MFSD6: variants seen among roughly 807,000 people sequenced by gnomAD.
The protein encoded by MFSD6 is major facilitator superfamily domain containing 6.
A neutral mutation model predicts 56.3 loss-of-function variants in MFSD6; 26 were observed. The observed-to-expected ratio is 0.46, with a 90% confidence interval of 0.34 to 0.64. MFSD6 has a LOEUF of 0.64. MFSD6 is among the 30% of genes least tolerant of loss of function. The probability of loss-of-function intolerance (pLI) is 0.01; values close to 1 mark genes in which losing one functional copy is unlikely to be tolerated. For synonymous variants in MFSD6, 331 were observed against 366.9 expected (o/e 0.90, Z 1.12); for missense variants, 750 against 986.2 (o/e 0.76, Z 3.21).
At chr2:190,432,830 A>G (rs974849969) in intron 2 of MFSD6, among the ~76,000 whole-genome samples, 2 of 129,190 alleles carry the variant, frequency 1.5e-5, no homozygotes, top group African/African-American at 5.8e-5. Context: ...CCGCCCCCCA[A>G]CACACACACA....
At position 190,488,661 on chromosome 2, in the gene MFSD6, GAC is replaced by G; in HGVS notation, c.1640_1641del (p.His547ArgfsTer18). The G allele has an allele frequency of 1.3e-6, 2 of 1,543,900 alleles. No individual in the cohort carries two copies. The highest frequency in any genetic ancestry group is 1.7e-6 in the Non-Finnish European group (2 of 1,145,270). ...VLPMEVLQGVTHAAIWAACIS... is the reference protein window; with the variant it reads ...VLPMEVLQGVXHAAIWAACIS... ...CCTGCTCTTCTTCCTCTCCAGGAGT[GAC>G]ACACGCGGCCATCTGGGCAGCATGC... On this transcript the variant is annotated frameshift_variant, in exon 5 of 8. Coordinates refer to ENST00000392328, the MANE Select transcript of MFSD6 (RefSeq NM_017694.4). LOFTEE classifies it high-confidence loss of function. The surrounding 1 kb of genome is among the most constrained non-coding windows in gnomAD (Gnocchi z 6.4).
chr2:190,444,871 T>A (rs554295106), intron 3 of MFSD6: 2 of 827,928 alleles, frequency 2.4e-6, no homozygotes, highest in African/African-American at 1.8e-5. Context: ...AATTATTTTA[T>A]ACAAAATCAT....
intron 3 of MFSD6, among the ~76,000 whole-genome samples, chr2:190,448,887 T>C (rs935849472): frequency 2.0e-5 from 3 of 152,340 alleles, no homozygotes; most frequent in African/African-American, 7.2e-5. Flanking sequence ...TTGAAACCCA[T>C]GTGTCCTTAC....
rs184975766 is a variant in MFSD6, at chr2:190,436,772, C to T, written c.743C>T (p.Thr248Ile). Residue 248 changes from threonine (T) to isoleucine (I), a missense_variant, in exon 3 of 8, where the codon ACC becomes ATC. Coordinates refer to ENST00000392328, the MANE Select transcript of MFSD6 (RefSeq NM_017694.4). This position sits in a 1 kb window ranked among gnomAD's most constrained non-coding sequence, Gnocchi z 5.3. The part of the protein sequence containing the change: ...MDLTLNSSTA[T>I]PVSPGSVTKE... ...TTGACTTTGAACTCAAGCACAGCAA[C>T]CCCTGTCTCCCCAGGAAGCGTAACC... The T allele has an allele frequency of 8.2e-5, 133 of 1,614,216 alleles. No homozygotes were observed. Among genetic ancestry groups the T allele is most frequent in the Non-Finnish European group, 1.1e-4 (130 of 1,180,032 alleles).
intron 4 of MFSD6, among the ~76,000 whole-genome samples, chr2:190,483,258 T>C (rs1688804160): frequency 6.6e-6 from 1 of 152,126 alleles, no homozygotes; most frequent in Non-Finnish European, 1.5e-5. Context: ...TCTCTCAAAG[T>C]AGATAGTTAC....
At position 190,437,340 on chromosome 2, in the gene MFSD6, C is replaced by G; in HGVS notation, c.1311C>G (p.Asp437Glu). Reference sequence around the variant, plus strand: ...ACTCGCAGGCCTTCAACTTTTGGGACTTAATCAAGCTGCTCTGCAGCGTGC... The same window carrying G: ...ACTCGCAGGCCTTCAACTTTTGGGAGTTAATCAAGCTGCTCTGCAGCGTGC... ...TSHSQAFNFW[D>E]LIKLLCSVQY... is the part of the protein sequence containing the mutation. The change falls in exon 3 of 8, where the codon GAC (aspartate) becomes GAG (glutamate). Residue 437 changes from aspartate to glutamate, a missense_variant. By Grantham distance (45) the Asp-to-Glu change is conservative. Transcript: ENST00000392328. This position sits in a 1 kb window ranked among gnomAD's most constrained non-coding sequence, Gnocchi z 5.9. 1 of 1,614,274 alleles carries G rather than the reference C, an allele frequency of 6.2e-7. No individual in the cohort carries two copies. Among genetic ancestry groups the G allele is most frequent in the Non-Finnish European group, 8.5e-7 (1 of 1,180,052 alleles).
rs1311374883 is a variant in MFSD6, at chr2:190,487,654, G to A, written c.1631-1003G>A. Reference sequence around the variant, plus strand: ...GCCAATAAACACCTAAAAGGTGCTCGACATCACTAGCTATTAGGGGAAAGC... The same window carrying A: ...GCCAATAAACACCTAAAAGGTGCTCAACATCACTAGCTATTAGGGGAAAGC... On this transcript the variant is annotated intron_variant, in intron 4 of 7. Transcript: ENST00000392328. This position sits in a 1 kb window ranked among gnomAD's most constrained non-coding sequence, Gnocchi z 5.5. 3.3e-5 allele frequency among the ~76,000 whole-genome samples: 5 copies of A among 152,114 alleles called. No homozygotes were observed. Among genetic ancestry groups the A allele is most frequent in the Admixed American group, 3.3e-4 (5 of 15,272 alleles).
intron 2 of MFSD6, among the ~76,000 whole-genome samples, chr2:190,428,855 T>C (rs193133264): frequency 1.2e-3 from 176 of 151,990 alleles, no homozygotes; most frequent in African/African-American, 4.0e-3. Flanking sequence ...TTAGTTTTAA[T>C]AGAGATGGGG....
chr2:190,449,141 T>C (rs1686683889), intron 3 of MFSD6, among the ~76,000 whole-genome samples: 1 of 152,234 alleles, frequency 6.6e-6, no homozygotes, highest in Admixed American at 6.5e-5. Flanking sequence ...TCTTATTTTC[T>C]TCTCTTTAAA....
At position 190,458,055 on chromosome 2, in the gene MFSD6, C is replaced by T. The variant is rs1687134195; in HGVS notation, c.1533-11703C>T. 6.6e-6 allele frequency among the ~76,000 whole-genome samples: 1 copy of T among 152,120 alleles called. No homozygotes were observed. The highest frequency in any genetic ancestry group is 1.5e-5 in the Non-Finnish European group (1 of 68,004). On this transcript the variant is annotated intron_variant, in intron 3 of 7. Coordinates refer to ENST00000392328, the MANE Select transcript of MFSD6 (RefSeq NM_017694.4). This position sits in a 1 kb window ranked among gnomAD's most constrained non-coding sequence, Gnocchi z 5.3. ...TGACTGTTGAGGCCCGAGGAAGCTG[C>T]CAGCGGTGTCACACACTCTGTTGCT...
At chr2:190,483,671 C>G (rs1412399273) in intron 4 of MFSD6, among the ~76,000 whole-genome samples, 2 of 151,898 alleles carry the variant, frequency 1.3e-5, no homozygotes, top group Non-Finnish European at 1.5e-5. Context: ...CCTGTCTCTA[C>G]TAAGGGTACG....
chr2:190,465,357 G>GAC lies in MFSD6; in HGVS notation c.1533-4399_1533-4398dup, dbSNP rs1687547435. ...CTACTGACTTCCTGTTCTGAAATAGGACAGTCATGCTGTTTTTGAGTTTTA... is the reference window on the plus strand; with the variant it reads ...CTACTGACTTCCTGTTCTGAAATAGGACACAGTCATGCTGTTTTTGAGTTTTA... On this transcript the variant is annotated intron_variant, in intron 3 of 7. Transcript: ENST00000392328. The surrounding 1 kb of genome is among the most constrained non-coding windows in gnomAD (Gnocchi z 4.6). Among the ~76,000 whole-genome samples, 1 of 152,062 alleles carries GAC rather than the reference G, an allele frequency of 6.6e-6. No individual in the cohort carries two copies. The highest frequency in any genetic ancestry group is 2.4e-5 in the African/African-American group (1 of 41,406).
In MFSD6 at chr2:190,488,670, G is replaced by A. The variant is rs1040500148; in HGVS notation, c.1644G>A (p.Ala548=). The A allele has an allele frequency of 4.5e-6, 7 of 1,553,280 alleles. No homozygotes were observed. Among genetic ancestry groups the A allele is most frequent in the African/African-American group, 4.2e-5 (3 of 72,136 alleles). ...CTTCCTCTCCAGGAGTGACACACGCGGCCATCTGGGCAGCATGCATTTCTT... is the reference window on the plus strand; with the variant it reads ...CTTCCTCTCCAGGAGTGACACACGCAGCCATCTGGGCAGCATGCATTTCTT... ...PMEVLQGVTH[A]AIWAACISYL... is the part of the protein sequence containing the mutation. Residue 548 remains alanine (A), a synonymous_variant, in exon 5 of 8, where the codon GCG becomes GCA. Coordinates refer to ENST00000392328, the MANE Select transcript of MFSD6 (RefSeq NM_017694.4). The surrounding 1 kb of genome is among the most constrained non-coding windows in gnomAD (Gnocchi z 6.4).
At chr2:190,470,559 C>G (rs1687862020) in intron 4 of MFSD6, among the ~76,000 whole-genome samples, 1 of 152,204 alleles carries the variant, frequency 6.6e-6, no homozygotes. Context: ...AATAAAGGTT[C>G]AGGACAAGAT....
At chr2:190,484,265 G>T (rs1185016366) in intron 4 of MFSD6, among the ~76,000 whole-genome samples, 1 of 152,084 alleles carries the variant, frequency 6.6e-6, no homozygotes, top group Non-Finnish European at 1.5e-5. Context: ...TACCAACTTT[G>T]TTATCTCATA....
chr2:190,482,904 A>T (rs1172669133), intron 4 of MFSD6, among the ~76,000 whole-genome samples: 2 of 8,582 alleles, frequency 2.3e-4, no homozygotes, highest in Non-Finnish European at 2.8e-4. Context: ...TTTTTTTTTT[A>T]GACGGAGTCT....
At position 190,489,979 on chromosome 2, in the gene MFSD6, C is replaced by T. The variant is rs1574248909; in HGVS notation, c.1891+113C>T. The T allele has an allele frequency of 2.5e-6, 2 of 813,354 alleles. No homozygotes were observed. Among genetic ancestry groups the T allele is most frequent in the East Asian group, 2.8e-5 (1 of 36,194 alleles). 50.4% of individuals were successfully genotyped at this position (813,354 alleles called of 1,614,324 possible). ...GAGTATACAACAGGTCTGTTTGGCT[C>T]AATTTTCTGAGTGGCGTATCGATGA... On this transcript the variant is annotated intron_variant, in intron 6 of 7. Transcript: ENST00000392328. The surrounding 1 kb of genome is among the most constrained non-coding windows in gnomAD (Gnocchi z 6.6).
rs1408477592 is a variant in MFSD6, at chr2:190,434,769, T to C, written c.-53-1208T>C. On this transcript the variant is annotated intron_variant, in intron 2 of 7. Coordinates refer to ENST00000392328, the MANE Select transcript of MFSD6 (RefSeq NM_017694.4). The surrounding 1 kb of genome is among the most constrained non-coding windows in gnomAD (Gnocchi z 4.3). ...TTCAAAAAAGTTTACTGGCATCTTA[T>C]CTAAAATGTGTTATTTTTCAGTTTA... Among the ~76,000 whole-genome samples the C allele has an allele frequency of 6.6e-6, 1 of 152,170 alleles. No homozygotes were observed. Among genetic ancestry groups the C allele is most frequent in the Admixed American group, 6.5e-5 (1 of 15,278 alleles).
In MFSD6 at chr2:190,433,301, G is replaced by C. The variant is rs747186319; in HGVS notation, c.-53-2676G>C. 3 of 152,162 alleles carry C rather than the reference G, an allele frequency of 2.0e-5. No individual in the cohort carries two copies. Among genetic ancestry groups the C allele is most frequent in the Non-Finnish European group, 4.4e-5 (3 of 68,028 alleles). The allele number at this position is 152,162 out of a possible 1,614,324, so 9.4% of individuals were successfully genotyped here. On this transcript the variant is annotated intron_variant, in intron 2 of 7. Coordinates refer to ENST00000392328, the MANE Select transcript of MFSD6 (RefSeq NM_017694.4). The surrounding 1 kb of genome is among the most constrained non-coding windows in gnomAD (Gnocchi z 4.5). ...TTAAATTAATTTAGAAAATAGATTT[G>C]AGGGCAAATTATTTTTTCTTTTCAG...
Sources: allele counts gnomAD v4.1 joint callset (sites outside exome capture counted in the v4.1 genomes callset), GRCh38; gene constraint gnomAD v4.1.1; non-coding constraint Gnocchi (gnomAD v3.1); transcripts MANE v1.5; gene names NCBI Gene and HGNC (gene_info 2026-07-23, HGNC 2026-07-21).